WWOX: variants seen among roughly 807,000 people sequenced by gnomAD.
The protein encoded by WWOX is WW domain containing oxidoreductase.
WWOX carries 69 observed loss-of-function variants against 46.2 expected under a neutral mutation model. That is an observed-to-expected ratio of 1.49 (90% confidence interval 1.23 to 1.82). WWOX has a LOEUF of 1.82. WWOX is among the 40% of genes most tolerant of loss of function. WWOX has a pLI of 0.00. For synonymous variants in WWOX, 359 were observed against 202.6 expected, an observed-to-expected ratio of 1.77 and a Z score of -6.56; for missense variants, 919 against 542.6, an observed-to-expected ratio of 1.69 and a Z score of -6.89.
intron 8 of WWOX, among the ~76,000 whole-genome samples, chr16:79,140,906 T>C (rs1274285953): frequency 6.6e-6 from 1 of 152,188 alleles, no homozygotes; most frequent in Admixed American, 6.5e-5. Flanking sequence ...TTGGGAAGGA[T>C]GCTGATGTCT....
chr16:79,031,136 G>A (rs1299668718), intron 8 of WWOX, among the ~76,000 whole-genome samples: 4 of 151,344 alleles, frequency 2.6e-5, no homozygotes, highest in Non-Finnish European at 4.4e-5. Context: ...ATAAACACTA[G>A]GGTTGCTTTA....
rs149490891 is a variant in WWOX at position 78,173,792 on chromosome 16, A to C, written c.516+9503A>C. 2.6e-3 allele frequency among the ~76,000 whole-genome samples: 392 copies of C among 152,332 alleles called. 1 individual carries two copies. Among genetic ancestry groups the C allele is most frequent in the African/African-American group, 9.0e-3 (376 of 41,576 alleles). On this transcript the variant is annotated intron_variant, in intron 5 of 8. Transcript: ENST00000566780. ...TGTCTTACTTCGGGCTAATAACAAA[A>C]ATATCATACAATGAGTGGCTTAAAT...
intron 8 of WWOX, among the ~76,000 whole-genome samples, chr16:79,002,213 C>CTTTTTTTTT (rs67180105): frequency 4.8e-5 from 2 of 41,302 alleles, no homozygotes; most frequent in African/African-American, 2.0e-4. Context: ...GGTGTCCTGC[C>CTTTTTTTTT]TTTTTTTTTT....
At chr16:78,569,741 T>G (rs1388829175) in intron 8 of WWOX, among the ~76,000 whole-genome samples, 1 of 152,224 alleles carries the variant, frequency 6.6e-6, no homozygotes, top group African/African-American at 2.4e-5. Flanking sequence ...CGTTTTCATT[T>G]ATAAAGTGCT....
In WWOX at chr16:78,521,772, A is replaced by T. The variant is rs970471688; in HGVS notation, c.1056+89020A>T. Among the ~76,000 whole-genome samples the T allele has an allele frequency of 2.8e-5, 4 of 140,930 alleles. No individual in the cohort carries two copies. In the South Asian group the frequency reaches 7.2e-4, roughly 25 times the overall value. The allele number at this position is 140,930 out of a possible 152,430, so 92.5% of individuals were successfully genotyped here. A position where few individuals can be genotyped will look rare whatever the true frequency, so the allele number is the denominator to read the frequency against. ...TAGGTAGTATTTAGTCAACACTTTA[A>T]CACATAACTTGTTTTTTTTTTTGGC... is the stretch of plus-strand genomic sequence containing the variant. On this transcript the variant is annotated intron_variant, in intron 8 of 8. Transcript: ENST00000566780.
chr16:78,155,378 G>A (rs1185223657), intron 4 of WWOX, among the ~76,000 whole-genome samples: 1 of 152,182 alleles, frequency 6.6e-6, no homozygotes, highest in Non-Finnish European at 1.5e-5. Flanking sequence ...GTTCTAAAGA[G>A]TGAAAACTAT....
At chr16:78,713,854 C>A (rs567988616) in intron 8 of WWOX, among the ~76,000 whole-genome samples, 1 of 152,290 alleles carries the variant, frequency 6.6e-6, no homozygotes, top group East Asian at 1.9e-4. Context: ...GAAACAGATA[C>A]CTCCGCCAGG....
chr16:78,220,510 C>T (rs193246367), intron 5 of WWOX, among the ~76,000 whole-genome samples: 1 of 152,202 alleles, frequency 6.6e-6, no homozygotes, highest in East Asian at 1.9e-4. Context: ...ATTTTCTGAT[C>T]ATAACTTGAA....
At chr16:78,848,472 G>A (rs1280645013) in intron 8 of WWOX, among the ~76,000 whole-genome samples, 1 of 152,224 alleles carries the variant, frequency 6.6e-6, no homozygotes, top group Non-Finnish European at 1.5e-5. Context: ...CCAAGGAAGA[G>A]AGAGCTCAGG....
chr16:78,719,866 T>C (rs942760565), intron 8 of WWOX, among the ~76,000 whole-genome samples: 2 of 152,198 alleles, frequency 1.3e-5, no homozygotes, highest in African/African-American at 4.8e-5. Context: ...ACCCAGCATT[T>C]ATTGGCAGTA....
chr16:78,109,894 T>G (rs2032389698), intron 3 of WWOX, 59 bp downstream of exon 3: 25 of 1,554,690 alleles, frequency 1.6e-5, no homozygotes, highest in Non-Finnish European at 2.2e-5. Flanking sequence ...GAATTTTTAA[T>G]TATAAAAGTA....
At chr16:78,930,246 C>CCTTCCTTCCTTCCTTCCTTT (rs2045591762) in intron 8 of WWOX, among the ~76,000 whole-genome samples, 2 of 125,614 alleles carry the variant, frequency 1.6e-5, no homozygotes, top group Non-Finnish European at 3.4e-5. Context: ...TTCCTTCCTT[C>CCTTCCTTCCTTCCTTCCTTT]CTTCCTTCCT....
intron 8 of WWOX, among the ~76,000 whole-genome samples, chr16:79,075,807 A>G (rs2048645216): frequency 6.6e-6 from 1 of 152,180 alleles, no homozygotes; most frequent in Non-Finnish European, 1.5e-5. Context: ...TACATGGTGT[A>G]CATATACCTC....
At chr16:78,416,257 A>G (rs918879060) in intron 6 of WWOX, among the ~76,000 whole-genome samples, 4 of 152,208 alleles carry the variant, frequency 2.6e-5, no homozygotes, top group Non-Finnish European at 5.9e-5. Flanking sequence ...TTGAATTGCA[A>G]TGGCTTTTAG....
At chr16:78,725,267 A>G (rs1242648448) in intron 8 of WWOX, among the ~76,000 whole-genome samples, 1 of 149,946 alleles carries the variant, frequency 6.7e-6, no homozygotes, top group Non-Finnish European at 1.5e-5. Flanking sequence ...TTGTGAGTCC[A>G]TTCAACTTCT....
Position 79,043,898 on chromosome 16 carries a change from A to G in WWOX, c.1057-167710A>G, listed in dbSNP as rs913834400. ...GCCTCCAAGGCCAGTAGTTGTAGCA[A>G]AAGTCCAGGGCTGCCGCTCATTCAC... is the stretch of plus-strand genomic sequence containing the variant. On this transcript the variant is annotated intron_variant, in intron 8 of 8. Transcript: ENST00000566780. 7.2e-5 allele frequency among the ~76,000 whole-genome samples: 11 copies of G among 152,210 alleles called. No homozygotes were observed. The South Asian group carries it at 1.0e-3, about 14-fold the overall frequency.
intron 5 of WWOX, among the ~76,000 whole-genome samples, chr16:78,379,537 T>G (rs1220209215): frequency 2.0e-5 from 3 of 152,188 alleles, no homozygotes; most frequent in Non-Finnish European, 2.9e-5. Flanking sequence ...AGCTGCTGCT[T>G]TGTGCTGCTA....
intron 8 of WWOX, among the ~76,000 whole-genome samples, chr16:78,441,077 A>G (rs1195683138): frequency 6.6e-6 from 1 of 151,878 alleles, no homozygotes; most frequent in Non-Finnish European, 1.5e-5. Context: ...TGAGTAGCTG[A>G]GATTACAGGT....
chr16:79,115,714 G>T (rs1361327487), intron 8 of WWOX, among the ~76,000 whole-genome samples: 1 of 152,070 alleles, frequency 6.6e-6, no homozygotes, highest in Admixed American at 6.5e-5. Flanking sequence ...TTTTAAATAA[G>T]AGAAAAAAAC....
Sources: allele counts gnomAD v4.1 joint callset (sites outside exome capture counted in the v4.1 genomes callset), GRCh38; gene constraint gnomAD v4.1.1; transcripts MANE v1.5; gene names NCBI Gene and HGNC (gene_info 2026-07-23, HGNC 2026-07-21).